SP140: variants seen among roughly 807,000 people sequenced by gnomAD.
The protein encoded by SP140 is nuclear body protein SP140.
Under a neutral mutation model 125.0 loss-of-function variants are expected in SP140, and 81 were observed. That is an observed-to-expected ratio of 0.65 (90% CI 0.54 to 0.78). SP140 has a LOEUF of 0.78. SP140 is among the 30% of genes least tolerant of loss of function. The pLI is 0.00. For synonymous variants in SP140, 312 were observed against 354.0 expected, an observed-to-expected ratio of 0.88 and a Z score of 1.33; for missense variants, 858 against 1,037.0, an observed-to-expected ratio of 0.83 and a Z score of 2.37.
At chr2:230,288,305 A>G (rs894554643) in intron 18 of SP140, among the ~76,000 whole-genome samples, 5 of 152,202 alleles carry the variant, frequency 3.3e-5, no homozygotes, top group African/African-American at 1.2e-4. Flanking sequence ...TCAGAAAGCC[A>G]CAGGTTGCAC....
At chr2:230,238,706 C>G (rs1559228752) in intron 3 of SP140, 3 of 1,328,026 alleles carry the variant, frequency 2.3e-6, no homozygotes, top group Non-Finnish European at 2.1e-6. Flanking sequence ...AAGGAGGAAG[C>G]CTTCTCTGAT....
At position 230,251,014 on chromosome 2, in the gene SP140, G is replaced by A; in HGVS notation, c.1010G>A (p.Gly337Glu). 1.2e-6 allele frequency: 2 copies of A among 1,613,834 alleles called. No homozygotes were observed. Among genetic ancestry groups the A allele is most frequent in the Non-Finnish European group, 1.7e-6 (2 of 1,179,818 alleles). The change falls in exon 10 of 27, where the codon GGA (glycine) becomes GAA (glutamate). Residue 337 changes from glycine (G) to glutamate (E), a missense_variant. By Grantham distance (98) the Gly-to-Glu change is moderately conservative (BLOSUM62 -2). Coordinates refer to ENST00000392045, the MANE Select transcript of SP140 (RefSeq NM_007237.5). ...GSDDCSEMCDGEEPQEASSSL... is the reference protein window; with the variant it reads ...GSDDCSEMCDEEEPQEASSSL... ...GATGACTGTTCAGAAATGTGTGATG[G>A]AGAAGAGCCCCAGGAAGCCTCTAGC...
At chr2:230,270,754 C>A in intron 15 of SP140, 115 bp downstream of exon 15, 1 of 1,023,226 alleles carries the variant, frequency 9.8e-7, no homozygotes, top group Non-Finnish European at 1.5e-6. Flanking sequence ...CTGTGGTAGA[C>A]AGAAGGATGA....
At position 230,312,625 on chromosome 2, in the gene SP140, G is replaced by A; in HGVS notation, c.2545G>A (p.Glu849Lys). ...CCAAATGGGATTTAGACTGGAGGCT[G>A]AGTTTGAGAAGAATTTCAAGGAAGT... ...FGQMGFRLEA[E>K]FEKNFKEVFA... The change falls in exon 27 of 27, where the codon GAG becomes AAG. Residue 849 changes from glutamate to lysine, a missense_variant. Coordinates refer to ENST00000392045, the MANE Select transcript of SP140 (RefSeq NM_007237.5). 1 of 1,613,046 alleles carries A rather than the reference G, an allele frequency of 6.2e-7. No homozygotes were observed. Among genetic ancestry groups the A allele is most frequent in the South Asian group, 1.1e-5 (1 of 91,010 alleles).
chr2:230,229,447 GAAGA>G (rs1443483040), intron 1 of SP140, among the ~76,000 whole-genome samples: 66 of 136,730 alleles, frequency 4.8e-4, no homozygotes, highest in African/African-American at 1.8e-3. Context: ...CCCTTTGCAT[GAAGA>G]AATTCTTTTT....
chr2:230,278,379 C>T lies in SP140; in HGVS notation c.1499-5967C>T, dbSNP rs562200909. Among the ~76,000 whole-genome samples, 5 of 151,894 alleles carry T rather than the reference C, an allele frequency of 3.3e-5. No homozygotes were observed. The East Asian group carries it at 9.6e-4, about 29-fold the overall frequency. ...TTTTTGCTATTGAGTTATGTGAGTTCCTTATATATATTTAGGTAGTAACCC... is the reference window on the plus strand; with the variant it reads ...TTTTTGCTATTGAGTTATGTGAGTTTCTTATATATATTTAGGTAGTAACCC... On this transcript the variant is annotated intron_variant, in intron 15 of 26. Coordinates refer to ENST00000392045, the MANE Select transcript of SP140 (RefSeq NM_007237.5).
chr2:230,200,949 A>G (rs1333996506), upstream of SP140: 2 of 1,613,298 alleles, frequency 1.2e-6, no homozygotes, highest in Non-Finnish European at 1.7e-6. Context: ...TCATTTCTGA[A>G]GTGCCATCAA....
At chr2:230,284,496 G>C in intron 16 of SP140, 85 bp downstream of exon 16, 1 of 1,160,672 alleles carries the variant, frequency 8.6e-7, no homozygotes, top group Non-Finnish European at 1.2e-6. Flanking sequence ...CAGTTCCCCA[G>C]AGCCAGAGTT....
intron 22 of SP140, among the ~76,000 whole-genome samples, chr2:230,299,083 C>T (rs1389111431): frequency 6.6e-6 from 1 of 152,196 alleles, no homozygotes; most frequent in Non-Finnish European, 1.5e-5. Flanking sequence ...AGATAGGAGG[C>T]AGGACTAACT....
At chr2:230,305,600 G>A (rs1183047315) in intron 22 of SP140, among the ~76,000 whole-genome samples, 2 of 152,246 alleles carry the variant, frequency 1.3e-5, no homozygotes, top group East Asian at 1.9e-4. Context: ...GGCAGGGAGG[G>A]GTGAGCAGAG....
intron 1 of SP140, among the ~76,000 whole-genome samples, chr2:230,229,784 T>C (rs2046986941): frequency 6.6e-6 from 1 of 152,096 alleles, no homozygotes; most frequent in South Asian, 2.1e-4. Flanking sequence ...CTACTTTACT[T>C]GGAAGGTTAA....
intron 22 of SP140, among the ~76,000 whole-genome samples, chr2:230,308,509 A>G (rs1195664618): frequency 1.3e-5 from 2 of 152,244 alleles, no homozygotes; most frequent in Non-Finnish European, 2.9e-5. Context: ...TGAGATTGAC[A>G]GCAGTGTATT....
chr2:230,293,574 C>T (rs368312508), intron 20 of SP140, among the ~76,000 whole-genome samples: 81 of 152,074 alleles, frequency 5.3e-4, no homozygotes, highest in African/African-American at 1.9e-3. Context: ...TGGCGTCAAG[C>T]GGGAGGCCTC....
Position 230,284,336 on chromosome 2 carries a change from TG to T in SP140, c.1499-8del. The T allele has an allele frequency of 1.2e-6, 2 of 1,601,822 alleles. No individual in the cohort carries two copies. The highest frequency in any genetic ancestry group is 1.7e-6 in the Non-Finnish European group (2 of 1,173,628). On this transcript the variant is annotated splice_polypyrimidine_tract_variant and intron_variant, in intron 15 of 26. Transcript: ENST00000392045. ...TCTGCATAATTAACTTTATTCTCTT[TG>T]GTTTGAAGGAAAAAAGAGGGGGCAT...
rs1196616261 is a variant in SP140 at position 230,255,505 on chromosome 2, T to A, written c.1213T>A (p.Ser405Thr). The A allele has an allele frequency of 6.2e-7, 1 of 1,610,206 alleles. No individual in the cohort carries two copies. The highest frequency in any genetic ancestry group is 8.5e-7 in the Non-Finnish European group (1 of 1,178,440). The change falls in exon 12 of 27, where the codon TCT becomes ACT. Residue 405 changes from serine (S) to threonine (T), a missense_variant. Physicochemically the swap from Ser to Thr is moderately conservative, Grantham distance 58. Transcript: ENST00000392045. ...MCDGEERQEA[S>T]SSLARRGSVS... ...TGATGGAGAAGAGCGCCAGGAAGCC[T>A]CTAGCTCCCTAGCAAGACGTGGGTC... is the stretch of plus-strand genomic sequence containing the variant.
At chr2:230,246,742 C>A (rs1272538335) in intron 7 of SP140, among the ~76,000 whole-genome samples, 1 of 151,710 alleles carries the variant, frequency 6.6e-6, no homozygotes, top group Non-Finnish European at 1.5e-5. Context: ...GAAATGAGCA[C>A]CATGGAAGAA....
chr2:230,218,013 G>A (rs1425270317), intron 3 of SP140, among the ~76,000 whole-genome samples: 1 of 152,188 alleles, frequency 6.6e-6, no homozygotes, highest in Non-Finnish European at 1.5e-5. Context: ...TCAGACATGC[G>A]CCTTTTCCCA....
chr2:230,272,497 A>C (rs1246008202), intron 15 of SP140, among the ~76,000 whole-genome samples: 1 of 152,072 alleles, frequency 6.6e-6, no homozygotes, highest in East Asian at 1.9e-4. Flanking sequence ...ATGAGATCTA[A>C]TAGTTTTATA....
chr2:230,309,025 G>A (rs572991829), intron 22 of SP140, among the ~76,000 whole-genome samples: 20 of 152,202 alleles, frequency 1.3e-4, no homozygotes, highest in Admixed American at 8.5e-4. Context: ...TTTAATGACC[G>A]GGATTTGCTC....
Sources: allele counts gnomAD v4.1 joint callset (sites outside exome capture counted in the v4.1 genomes callset), GRCh38; gene constraint gnomAD v4.1.1; transcripts MANE v1.5; gene names NCBI Gene and HGNC (gene_info 2026-07-23, HGNC 2026-07-21).